Variants in ZC3H12B observed in about 807,000 individuals in gnomAD.
ZC3H12B encodes probable ribonuclease ZC3H12B.
A neutral mutation model predicts 43.9 loss-of-function variants in ZC3H12B; 7 were observed. That is an observed-to-expected ratio of 0.16 (90% CI 0.09 to 0.30). ZC3H12B has a LOEUF of 0.30. Ranked by LOEUF, ZC3H12B falls within the 10% of genes least tolerant of loss-of-function variation. The pLI is 1.00. For missense variants in ZC3H12B, 475 were observed against 670.2 expected (o/e 0.71, Z 3.22); for synonymous variants, 222 against 241.7 (o/e 0.92, Z 0.76).
chrX:65,360,614 C>T, the ZC3H12B span, among the ~76,000 whole-genome samples: 60 of 112,369 alleles, frequency 5.3e-4, 1 homozygote, highest in Middle Eastern at 9.3e-3. Context: ...TAAATTGATA[C>T]AACTACTTTG....
the ZC3H12B span, among the ~76,000 whole-genome samples, chrX:65,303,175 T>C: frequency 4.5e-5 from 5 of 111,005 alleles, no homozygotes; most frequent in Non-Finnish European, 7.6e-5. Context: ...TTAAAAACTT[T>C]AAGTTTTTTT....
At chrX:65,074,760 G>A in the ZC3H12B span, among the ~76,000 whole-genome samples, 2 of 111,619 alleles carry the variant, frequency 1.8e-5, no homozygotes, top group Non-Finnish European at 3.8e-5. Context: ...AAACTGTCTA[G>A]TGAATTTTTC....
chrX:65,485,344 C>T (rs2068111031), upstream of ZC3H12B, among the ~76,000 whole-genome samples: 1 of 112,340 alleles, frequency 8.9e-6, no homozygotes, highest in Non-Finnish European at 1.9e-5. Flanking sequence ...ACCTCTGCCT[C>T]CAGGGCTCAA....
chrX:65,340,131 G>A, the ZC3H12B span, among the ~76,000 whole-genome samples: 7 of 111,753 alleles, frequency 6.3e-5, no homozygotes, highest in East Asian at 1.1e-3. Context: ...CTTCCCTCAC[G>A]TGAGTGACCA....
At chrX:65,113,670 C>A in the ZC3H12B span, among the ~76,000 whole-genome samples, 1 of 110,056 alleles carries the variant, frequency 9.1e-6, no homozygotes, top group Non-Finnish European at 1.9e-5. Flanking sequence ...TAAGAAAACG[C>A]CACAGCACTC....
chrX:65,166,325 C>T, the ZC3H12B span, among the ~76,000 whole-genome samples: 1 of 111,214 alleles, frequency 9.0e-6, no homozygotes, highest in African/African-American at 3.3e-5. Context: ...ATAGTTTCCT[C>T]AGAATGATGG....
the ZC3H12B span, among the ~76,000 whole-genome samples, chrX:65,120,244 G>A: frequency 2.7e-5 from 3 of 111,787 alleles, no homozygotes; most frequent in Non-Finnish European, 5.6e-5. Flanking sequence ...GGGCAGTATG[G>A]CCATTTTCAC....
chrX:65,280,523 T>A, the ZC3H12B span, among the ~76,000 whole-genome samples: 1 of 111,748 alleles, frequency 8.9e-6, no homozygotes, highest in Non-Finnish European at 1.9e-5. Context: ...TTATTCAACA[T>A]AGTACTGAAA....
the ZC3H12B span, among the ~76,000 whole-genome samples, chrX:65,110,640 C>G: frequency 1.8e-5 from 2 of 111,564 alleles, no homozygotes; most frequent in South Asian, 7.3e-4. Context: ...TCCACACAAT[C>G]TTGATTACTG....
chrX:65,387,164 G>T (rs1017030381), intron 2 of ZC3H12B, among the ~76,000 whole-genome samples: 1 of 111,600 alleles, frequency 9.0e-6, no homozygotes, highest in African/African-American at 3.3e-5. Context: ...TATTAGGTCC[G>T]CTTGGTGCAG....
chrX:65,496,011 A>G lies in ZC3H12B; in HGVS notation c.609-1121A>G, dbSNP rs2068274883. On this transcript the variant is annotated intron_variant, in intron 1 of 4. Coordinates refer to ENST00000338957, the Ensembl canonical transcript of ZC3H12B. ...CCTGAGCCATCGCACCCAGCCAGAAATACTTGATTTTTTGAGGATATTTTG... is the reference window on the plus strand; with the variant it reads ...CCTGAGCCATCGCACCCAGCCAGAAGTACTTGATTTTTTGAGGATATTTTG... Among the ~76,000 whole-genome samples, 4 of 111,865 alleles carry G rather than the reference A, an allele frequency of 3.6e-5. No homozygotes were observed. The South Asian group carries it at 1.1e-3, about 31-fold the overall frequency.
the ZC3H12B span, among the ~76,000 whole-genome samples, chrX:65,323,881 C>A: frequency 6.2e-5 from 7 of 112,041 alleles, no homozygotes; most frequent in South Asian, 3.7e-4. Context: ...TTAATGATTG[C>A]CATTTTAACT....
chrX:65,056,800 ATAGT>A, the ZC3H12B span, among the ~76,000 whole-genome samples: 1 of 111,575 alleles, frequency 9.0e-6, no homozygotes, highest in African/African-American at 3.3e-5. Flanking sequence ...TATATTTAGG[ATAGT>A]TAGCTCTTCT....
At chrX:65,459,286 G>A (rs1219780301) in intron 3 of ZC3H12B, among the ~76,000 whole-genome samples, 1 of 111,866 alleles carries the variant, frequency 8.9e-6, no homozygotes, top group African/African-American at 3.3e-5. Context: ...GTAAAAGGAG[G>A]AGATGGTACC....
At chrX:65,117,061 T>C in the ZC3H12B span, among the ~76,000 whole-genome samples, 2 of 112,190 alleles carry the variant, frequency 1.8e-5, no homozygotes, top group South Asian at 3.7e-4. Context: ...TTGGAATCCT[T>C]TGGGTATATA....
the ZC3H12B span, among the ~76,000 whole-genome samples, chrX:65,238,040 G>A: frequency 1.8e-5 from 2 of 111,200 alleles, no homozygotes; most frequent in Admixed American, 9.5e-5. Context: ...TCTCTTTCAG[G>A]TTTTGATATC....
At chrX:65,187,815 C>T in the ZC3H12B span, among the ~76,000 whole-genome samples, 1 of 110,819 alleles carries the variant, frequency 9.0e-6, no homozygotes, top group South Asian at 3.9e-4. Context: ...TATAAACCAT[C>T]TAATTATATT....
chrX:65,313,699 AG>A, the ZC3H12B span, among the ~76,000 whole-genome samples: 1 of 112,431 alleles, frequency 8.9e-6, no homozygotes, highest in Non-Finnish European at 1.9e-5. Context: ...ACACAAATTA[AG>A]TTTTTTTCCG....
the ZC3H12B span, among the ~76,000 whole-genome samples, chrX:65,069,125 C>A: frequency 1.8e-5 from 2 of 108,857 alleles, no homozygotes; most frequent in Admixed American, 2.0e-4. Flanking sequence ...GTTCAATCTG[C>A]TTGGTGTTGT....
Sources: gnomAD v4.1 joint callset for allele counts (sites outside exome capture counted in the v4.1 genomes callset) on GRCh38, gnomAD v4.1.1 for gene constraint, MANE v1.5 for transcripts, NCBI Gene and HGNC (gene_info 2026-07-23, HGNC 2026-07-21) for gene names.